TBXAS1: variants seen among roughly 807,000 people sequenced by gnomAD.
TBXAS1 encodes thromboxane A synthase 1, also known as thromboxane-A synthase.
Under a neutral mutation model 60.7 loss-of-function variants are expected in TBXAS1, and 48 were observed. The ratio of observed to expected loss-of-function variants is 0.79; its 90% CI spans 0.63 to 1.01. The LOEUF (loss-of-function observed/expected upper bound fraction) is 1.01, where lower values mean the gene tolerates loss of function less well. Ranked by LOEUF, TBXAS1 falls within the 50% of genes least tolerant of loss-of-function variation. The pLI, the probability that TBXAS1 is intolerant of heterozygous loss-of-function variation, is 0.00. For missense variants in TBXAS1, 685 were observed against 686.3 expected (o/e 1.00, Z 0.02); for synonymous variants, 287 against 269.7 (o/e 1.06, Z -0.63).
chr7:139,872,663 A>C (rs2116814257), intron 2 of TBXAS1, among the ~76,000 whole-genome samples: 1 of 152,328 alleles, frequency 6.6e-6, no homozygotes, highest in East Asian at 1.9e-4. Context: ...TCAAAAAATA[A>C]AATAAAATGA....
intron 3 of TBXAS1, among the ~76,000 whole-genome samples, chr7:139,878,874 A>G (rs1802464272): frequency 6.6e-6 from 1 of 152,198 alleles, no homozygotes; most frequent in African/African-American, 2.4e-5. Context: ...GACAAGTGAA[A>G]TGCCACACTC....
chr7:139,793,031 A>G (rs151182326), intron 4 of TBXAS1, among the ~76,000 whole-genome samples: 4 of 152,310 alleles, frequency 2.6e-5, no homozygotes, highest in African/African-American at 9.6e-5. Flanking sequence ...TAGATATGTA[A>G]TTGAATGGTT....
At chr7:139,898,604 C>A (rs2116975950) in intron 3 of TBXAS1, among the ~76,000 whole-genome samples, 1 of 152,066 alleles carries the variant, frequency 6.6e-6, no homozygotes, top group Middle Eastern at 3.4e-3. Context: ...AGCCACTACG[C>A]CCGGCCTGTG....
intron 1 of TBXAS1, among the ~76,000 whole-genome samples, chr7:139,847,053 C>A (rs1799868434): frequency 6.6e-6 from 1 of 152,162 alleles, no homozygotes; most frequent in East Asian, 1.9e-4. Flanking sequence ...ATAAACCTTA[C>A]ACCAACATAT....
At chr7:139,833,081 CA>C (rs1224810201) in intron 1 of TBXAS1, among the ~76,000 whole-genome samples, 2 of 151,400 alleles carry the variant, frequency 1.3e-5, no homozygotes, top group African/African-American at 4.8e-5. Flanking sequence ...ACAACAACAA[CA>C]AAAAAAACCA....
intron 4 of TBXAS1, among the ~76,000 whole-genome samples, chr7:139,800,706 A>G (rs1163854174): frequency 6.6e-6 from 1 of 152,148 alleles, no homozygotes; most frequent in Non-Finnish European, 1.5e-5. Flanking sequence ...TACTATTTTA[A>G]TATTACTGTT....
intron 6 of TBXAS1, among the ~76,000 whole-genome samples, chr7:139,954,750 T>G (rs1809700863): frequency 1.3e-5 from 2 of 152,198 alleles, no homozygotes; most frequent in African/African-American, 4.8e-5. Flanking sequence ...TCCTATAGCC[T>G]AAGAGGTTAA....
At chr7:140,014,233 C>T (rs747954562) in intron 10 of TBXAS1, among the ~76,000 whole-genome samples, 5 of 152,164 alleles carry the variant, frequency 3.3e-5, no homozygotes, top group Admixed American at 1.3e-4. Flanking sequence ...AATCTGCAGA[C>T]GGGGAGAGAC....
intron 3 of TBXAS1, among the ~76,000 whole-genome samples, chr7:139,883,607 A>T (rs1325705485): frequency 1.3e-5 from 2 of 152,186 alleles, no homozygotes; most frequent in African/African-American, 4.8e-5. Flanking sequence ...TGCAGTTAAA[A>T]TCCCAGCTTC....
intron 1 of TBXAS1, among the ~76,000 whole-genome samples, chr7:139,865,359 G>A (rs149616682): frequency 6.6e-6 from 1 of 152,294 alleles, no homozygotes; most frequent in Non-Finnish European, 1.5e-5. Flanking sequence ...GGAATTTACA[G>A]TCAACTAACA....
At position 139,957,749 on chromosome 7, in the gene TBXAS1, G is replaced by A. The variant is rs2117350478; in HGVS notation, c.804G>A (p.Gln268=). The stretch of plus-strand genomic sequence containing the variant: ...GGAATGTGATTGCCTTGCGGGACCA[G>A]CAAGCTGCCGAAGAGGTAACGTATT... ...LIRNVIALRD[Q]QAAEERRRDF... Residue 268 remains glutamine, a synonymous_variant, in exon 8 of 13, where the codon CAG becomes CAA. Transcript: ENST00000448866. The A allele has an allele frequency of 5.6e-6, 9 of 1,614,142 alleles. No individual in the cohort carries two copies. The highest frequency in any genetic ancestry group is 5.5e-5 in the South Asian group (5 of 91,078).
rs1798037815 is a variant in TBXAS1 at position 139,812,279 on chromosome 7, G to A, written c.-79-17033G>A. ...TCCGACTGAGCAAATACACACAAAT[G>A]AGGGGAGACAATATCAACCCCACAA... On this transcript the variant is annotated intron_variant, in intron 4 of 16. Coordinates refer to the TBXAS1 transcript ENST00000336425. 2.0e-5 allele frequency among the ~76,000 whole-genome samples: 3 copies of A among 152,214 alleles called. No individual in the cohort carries two copies. In the South Asian group the frequency reaches 6.2e-4, roughly 32 times the overall value.
chr7:139,937,879 G>A (rs1807924923), intron 5 of TBXAS1, among the ~76,000 whole-genome samples: 1 of 151,416 alleles, frequency 6.6e-6, no homozygotes, highest in Non-Finnish European at 1.5e-5. Context: ...GCTGTCTGGA[G>A]GATGCAGGAA....
chr7:139,805,674 C>T (rs1211025469), intron 4 of TBXAS1, among the ~76,000 whole-genome samples: 1 of 23,308 alleles, frequency 4.3e-5, no homozygotes, highest in African/African-American at 1.8e-4. Flanking sequence ...TTCTTTCTTT[C>T]TTTCTTTCTT....
intron 1 of TBXAS1, among the ~76,000 whole-genome samples, chr7:139,855,451 G>A (rs1800516389): frequency 6.6e-6 from 1 of 152,028 alleles, no homozygotes; most frequent in Non-Finnish European, 1.5e-5. Flanking sequence ...GCTTTGGGAA[G>A]TAGTGAAAGG....
At chr7:139,792,816 A>T (rs554922974) in intron 4 of TBXAS1, among the ~76,000 whole-genome samples, 1 of 152,338 alleles carries the variant, frequency 6.6e-6, no homozygotes, top group Admixed American at 6.5e-5. Context: ...TCCAAAAGAG[A>T]TATCCTGGAA....
At chr7:139,830,097 G>A (rs1442978056) in intron 1 of TBXAS1, among the ~76,000 whole-genome samples, 1 of 152,142 alleles carries the variant, frequency 6.6e-6, no homozygotes, top group African/African-American at 2.4e-5. Context: ...CTCCCCTGTG[G>A]TTTTGTTAAT....
intron 4 of TBXAS1, among the ~76,000 whole-genome samples, chr7:139,933,222 T>C (rs957065669): frequency 3.3e-5 from 5 of 152,108 alleles, no homozygotes; most frequent in Non-Finnish European, 7.4e-5. Flanking sequence ...TGCTGACATA[T>C]TGCAAGGAGG....
chr7:139,973,369 A>C (rs953766493), intron 9 of TBXAS1, among the ~76,000 whole-genome samples: 2 of 152,292 alleles, frequency 1.3e-5, no homozygotes, highest in African/African-American at 4.8e-5. Flanking sequence ...TCCACACTCC[A>C]CTAATAGCCA....
Sources: gnomAD v4.1 joint callset for allele counts (sites outside exome capture counted in the v4.1 genomes callset) on GRCh38, gnomAD v4.1.1 for gene constraint, MANE v1.5 for transcripts, NCBI Gene and HGNC (gene_info 2026-07-23, HGNC 2026-07-21) for gene names.